Variants in ADAMTS8 observed in about 807,000 individuals in gnomAD.
The protein encoded by ADAMTS8 is A disintegrin and metalloproteinase with thrombospondin motifs 8.
ADAMTS8 carries 50 observed loss-of-function variants against 64.4 expected under a neutral mutation model. That is an observed-to-expected ratio of 0.78 (90% CI 0.62 to 0.98). The LOEUF is 0.98. Ranked by LOEUF, ADAMTS8 falls within the 50% of genes least tolerant of loss-of-function variation. ADAMTS8 has a pLI of 0.00. For missense variants in ADAMTS8, 1,192 were observed against 1,208.2 expected, an observed-to-expected ratio of 0.99 and a Z score of 0.20; for synonymous variants, 556 against 533.6, an observed-to-expected ratio of 1.04 and a Z score of -0.58.
chr11:130,410,335 CAAAAAATACT>C (rs1376868397), intron 6 of ADAMTS8, among the ~76,000 whole-genome samples: 4 of 152,142 alleles, frequency 2.6e-5, no homozygotes, highest in African/African-American at 9.7e-5. Context: ...TCTAGACACA[CAAAAAATACT>C]AAAAAATACT....
rs1326341917 is a variant in ADAMTS8 at position 130,416,648 on chromosome 11, C to G, written c.1096+292G>C. Among the ~76,000 whole-genome samples, 1 of 152,230 alleles carries G rather than the reference C, an allele frequency of 6.6e-6. No individual in the cohort carries two copies. The highest frequency in any genetic ancestry group is 2.4e-5 in the African/African-American group (1 of 41,456). The stretch of plus-strand genomic sequence containing the variant: ...ACGGCTTAGCTTGTGCACAGCTCCA[C>G]GCCTCCACCCCAGCACGTGTCTGGT... On this transcript the variant is annotated intron_variant, in intron 3 of 8. Coordinates refer to ENST00000257359, the MANE Select transcript of ADAMTS8 (RefSeq NM_007037.6). The surrounding 1 kb of genome is among the most constrained non-coding windows in gnomAD (Gnocchi z 4.8).
In ADAMTS8 at chr11:130,416,112, C is replaced by CA; in HGVS notation, c.1264+50dup. On this transcript the variant is annotated intron_variant, in intron 4 of 8. Coordinates refer to ENST00000257359, the MANE Select transcript of ADAMTS8 (RefSeq NM_007037.6). This position sits in a 1 kb window ranked among gnomAD's most constrained non-coding sequence, Gnocchi z 4.8. ...CTGGAGGGGGTCTCTGCGCCAGCAC[C>CA]AGTGGAAGGAGGCCCACGGGGACAA... 1 of 1,504,454 alleles carries CA rather than the reference C, an allele frequency of 6.6e-7. No individual in the cohort carries two copies. The allele number at this position is 1,504,454 out of a possible 1,614,324, so 93.2% of individuals were successfully genotyped here. A position where few individuals can be genotyped will look rare whatever the true frequency, so the allele number is the denominator to read the frequency against.
At position 130,420,110 on chromosome 11, in the gene ADAMTS8, G is replaced by A. The variant is rs574116452; in HGVS notation, c.721-818C>T. On this transcript the variant is annotated intron_variant, in intron 1 of 8. Transcript: ENST00000257359. ...TGTGCCTGTCTCTGAGGTCCACCGT[G>A]CTCTCATTAGGTTTCCCCGGGCGTG... 2.0e-5 allele frequency among the ~76,000 whole-genome samples: 3 copies of A among 152,328 alleles called. No homozygotes were observed. The South Asian group carries it at 6.2e-4, about 32-fold the overall frequency.
chr11:130,418,974 G>A (rs1404806936), intron 2 of ADAMTS8, 79 bp downstream of exon 2: 1 of 1,590,102 alleles, frequency 6.3e-7, no homozygotes, highest in Non-Finnish European at 8.6e-7. Context: ...CCCATGTTTG[G>A]GCAGGCCTCG....
rs1048589861 is a variant in ADAMTS8 at position 130,411,397 on chromosome 11, C to T, written c.1750+20G>A. ...ATGATAGTAGCTGCTCTGGCAGGGG[C>T]GGCCCTGAGTGGTAATTACCGTCAG... is the stretch of plus-strand genomic sequence containing the variant. On this transcript the variant is annotated intron_variant, in intron 6 of 8. Transcript: ENST00000257359. The surrounding 1 kb of genome is among the most constrained non-coding windows in gnomAD (Gnocchi z 4.2). 8.7e-6 allele frequency: 14 copies of T among 1,609,456 alleles called. No homozygotes were observed. Among genetic ancestry groups the T allele is most frequent in the Admixed American group, 8.4e-5 (5 of 59,764 alleles).
rs745591500 is a variant in ADAMTS8, at chr11:130,405,862, T to C, written c.2366A>G (p.Gln789Arg). 1.9e-6 allele frequency: 3 copies of C among 1,614,088 alleles called. No homozygotes were observed. The highest frequency in any genetic ancestry group is 4.5e-5 in the East Asian group (2 of 44,882). The stretch of plus-strand genomic sequence containing the variant: ...GACCTCGCCAGGGACTGTCAGGAGC[T>C]GCACTGTCAGAGGCTCTGGCAAGGG... ...FRPLPEPLTV[Q>R]LLTVPGEVFP... Residue 789 changes from glutamine to arginine, a missense_variant, in exon 9 of 9, where the codon CAG becomes CGG. Coordinates refer to ENST00000257359, the MANE Select transcript of ADAMTS8 (RefSeq NM_007037.6).
chr11:130,422,460 C>T (rs888763672), intron 1 of ADAMTS8, among the ~76,000 whole-genome samples: 9 of 152,072 alleles, frequency 5.9e-5, no homozygotes, highest in African/African-American at 1.7e-4. Flanking sequence ...AGCCGGTTTG[C>T]GCTTCACCGG....
At chr11:130,414,236 G>A (rs1861990164) in intron 5 of ADAMTS8, among the ~76,000 whole-genome samples, 1 of 150,028 alleles carries the variant, frequency 6.7e-6, no homozygotes, top group South Asian at 2.1e-4. Flanking sequence ...TGATCTCCCT[G>A]CCTCCGCCTT....
Position 130,428,403 on chromosome 11 carries a change from G to C in ADAMTS8, c.-117C>G. 2 of 1,130,078 alleles carry C rather than the reference G, an allele frequency of 1.8e-6. No individual in the cohort carries two copies. The highest frequency in any genetic ancestry group is 2.2e-6 in the Non-Finnish European group (2 of 919,468). The allele number at this position is 1,130,078 out of a possible 1,614,324, so 70.0% of individuals were successfully genotyped here. On this transcript the variant is annotated 5_prime_UTR_variant, in exon 1 of 9. Coordinates refer to ENST00000257359, the MANE Select transcript of ADAMTS8 (RefSeq NM_007037.6). ...CTCCAGGAAAAGCGGAATCAATCGG[G>C]TGCAAGGCCGACTCGGCCCGCGGGG... is the stretch of plus-strand genomic sequence containing the variant.
intron 1 of ADAMTS8, among the ~76,000 whole-genome samples, chr11:130,426,386 C>T (rs901628325): frequency 6.6e-6 from 1 of 152,212 alleles, no homozygotes; most frequent in Non-Finnish European, 1.5e-5. Context: ...CCCCAGCAGT[C>T]GGGCACAGAC....
chr11:130,411,911 A>G lies in ADAMTS8; in HGVS notation c.1567-311T>C. ...CACCCTTTTATGGGAATAAGGTTGCATATAATGCAGTGGTTCTCCGTTGGG... is the reference window on the plus strand; with the variant it reads ...CACCCTTTTATGGGAATAAGGTTGCGTATAATGCAGTGGTTCTCCGTTGGG... On this transcript the variant is annotated intron_variant, in intron 5 of 8. Coordinates refer to ENST00000257359, the MANE Select transcript of ADAMTS8 (RefSeq NM_007037.6). The surrounding 1 kb of genome is among the most constrained non-coding windows in gnomAD (Gnocchi z 4.2). 1 of 346,720 alleles carries G rather than the reference A, an allele frequency of 2.9e-6. No individual in the cohort carries two copies. The highest frequency in any genetic ancestry group is 5.3e-6 in the Non-Finnish European group (1 of 188,650). The allele number at this position is 346,720 out of a possible 1,614,324, so 21.5% of individuals were successfully genotyped here. A position where few individuals can be genotyped will look rare whatever the true frequency, so the allele number is the denominator to read the frequency against.
At chr11:130,423,448 G>A (rs1862125625) in intron 1 of ADAMTS8, among the ~76,000 whole-genome samples, 1 of 152,140 alleles carries the variant, frequency 6.6e-6, no homozygotes, top group African/African-American at 2.4e-5. Flanking sequence ...CCCTTGAGAG[G>A]GAAAGACGGT....
intron 4 of ADAMTS8, among the ~76,000 whole-genome samples, chr11:130,415,585 A>G (rs1862011096): frequency 1.4e-5 from 2 of 145,678 alleles, no homozygotes; most frequent in South Asian, 4.4e-4. Context: ...TTACGGGCAG[A>G]AGCCACTGCA....
rs1002331673 is a variant in ADAMTS8 at position 130,416,488 on chromosome 11, G to A, written c.1097-158C>T. The stretch of plus-strand genomic sequence containing the variant: ...TTTCCCCTGCGCTTTGCTCTTCCAG[G>A]ACGCGTTCTCAGATGACTAAGAAAC... On this transcript the variant is annotated intron_variant, in intron 3 of 8. Transcript: ENST00000257359. The surrounding 1 kb of genome is among the most constrained non-coding windows in gnomAD (Gnocchi z 4.8). Among the ~76,000 whole-genome samples the A allele has an allele frequency of 6.6e-6, 1 of 152,214 alleles. No individual in the cohort carries two copies. Among genetic ancestry groups the A allele is most frequent in the African/African-American group, 2.4e-5 (1 of 41,454 alleles).
rs547691706 is a variant in ADAMTS8 at position 130,428,014 on chromosome 11, G to A, written c.273C>T (p.Thr91=). 2.7e-5 allele frequency: 41 copies of A among 1,525,858 alleles called. No homozygotes were observed. In the African/African-American group the frequency reaches 3.5e-4, roughly 13 times the overall value. The allele number at this position is 1,525,858 out of a possible 1,614,324, so 94.5% of individuals were successfully genotyped here. ...AGCCGCGCAGCCCCCGCTCGCCCCCGGTCGCCCGGCCGGAGCCCCCGAGGC... is the reference window on the plus strand; with the variant it reads ...AGCCGCGCAGCCCCCGCTCGCCCCCAGTCGCCCGGCCGGAGCCCCCGAGGC... ...IERLGGSGRA[T]GGERGLRGCF... is the part of the protein sequence containing the mutation. The change falls in exon 1 of 9, where the codon ACC becomes ACT. Residue 91 remains threonine (T), a synonymous_variant. Coordinates refer to ENST00000257359, the MANE Select transcript of ADAMTS8 (RefSeq NM_007037.6).
rs932063194 is a variant in ADAMTS8, at chr11:130,426,158, C to A, written c.720+1409G>T. On this transcript the variant is annotated intron_variant, in intron 1 of 8. Coordinates refer to ENST00000257359, the MANE Select transcript of ADAMTS8 (RefSeq NM_007037.6). ...AATACCACAAGGGCTTGCAGGGGTG[C>A]GTCCCTGGGGTGTAGTCAGCACCTG... is the stretch of plus-strand genomic sequence containing the variant. 5.3e-5 allele frequency among the ~76,000 whole-genome samples: 8 copies of A among 152,210 alleles called. No individual in the cohort carries two copies. The East Asian group carries it at 1.5e-3, about 29-fold the overall frequency.
chr11:130,409,040 G>T, intron 6 of ADAMTS8, 100 bp from the exon 7 acceptor site: 1 of 1,405,848 alleles, frequency 7.1e-7, no homozygotes, highest in Non-Finnish European at 9.5e-7. Flanking sequence ...TCTTTCTTTT[G>T]GTTTTGAACT....
At chr11:130,413,543 C>G (rs1227142379) in intron 5 of ADAMTS8, among the ~76,000 whole-genome samples, 1 of 152,148 alleles carries the variant, frequency 6.6e-6, no homozygotes, top group East Asian at 1.9e-4. Context: ...CTCCATGAGT[C>G]ACAGTAAGAG....
chr11:130,404,962 A>G lies in ADAMTS8; in HGVS notation c.*596T>C, dbSNP rs1861857860. 1.0e-6 allele frequency: 1 copy of G among 983,652 alleles called. No homozygotes were observed. Among genetic ancestry groups the G allele is most frequent in the Non-Finnish European group, 1.2e-6 (1 of 827,816 alleles). 60.9% of individuals were successfully genotyped at this position (983,652 alleles called of 1,614,324 possible). A position where few individuals can be genotyped will look rare whatever the true frequency, so the allele number is the denominator to read the frequency against. The stretch of plus-strand genomic sequence containing the variant: ...CACTTTAGTTCAGAGACACATTTGC[A>G]TAAATACTTGAAATGGATCCACCCC... On this transcript the variant is annotated 3_prime_UTR_variant, in exon 9 of 9. Coordinates refer to ENST00000257359, the MANE Select transcript of ADAMTS8 (RefSeq NM_007037.6).
Sources: gnomAD v4.1 joint callset for allele counts (sites outside exome capture counted in the v4.1 genomes callset) on GRCh38, gnomAD v4.1.1 for gene constraint, Gnocchi (gnomAD v3.1) non-coding constraint, MANE v1.5 for transcripts, NCBI Gene and HGNC (gene_info 2026-07-23, HGNC 2026-07-21) for gene names.